The following GRIN3A variants were observed in gnomAD, a reference collection of about 807,000 sequenced individuals.
GRIN3A encodes the protein glutamate ionotropic receptor NMDA type subunit 3A.
Under a neutral mutation model 92.4 loss-of-function variants are expected in GRIN3A, and 47 were observed. The ratio of observed to expected loss-of-function variants is 0.51; its 90% CI spans 0.40 to 0.65. The LOEUF (loss-of-function observed/expected upper bound fraction) is 0.65, where lower values mean the gene tolerates loss of function less well. GRIN3A is among the 30% of genes least tolerant of loss of function. GRIN3A has a pLI of 0.00. For synonymous variants in GRIN3A, 527 were observed against 540.6 expected (o/e 0.97, Z 0.35); for missense variants, 1,324 against 1,393.1 (o/e 0.95, Z 0.79).
intron 3 of GRIN3A, among the ~76,000 whole-genome samples, chr9:101,657,124 C>G (rs1388320142): frequency 6.6e-6 from 1 of 151,860 alleles, no homozygotes; most frequent in African/African-American, 2.4e-5. Context: ...GAAAAAATTT[C>G]TTAATTCCAA....
chr9:101,572,885 A>G lies in GRIN3A; in HGVS notation c.*289T>C, dbSNP rs1016796771. On this transcript the variant is annotated 3_prime_UTR_variant, in exon 9 of 9. Transcript: ENST00000361820. The stretch of plus-strand genomic sequence containing the variant: ...AGAAATATTACTGTGGCACCTGGTG[A>G]AAAGGTTAACGGCAGCTGGGGTTAT... The G allele has an allele frequency of 2.2e-5, 9 of 413,070 alleles. No homozygotes were observed. In the East Asian group the frequency reaches 4.3e-4, roughly 20 times the overall value. The allele number at this position is 413,070 out of a possible 1,614,324, so 25.6% of individuals were successfully genotyped here. A position where few individuals can be genotyped will look rare whatever the true frequency, so the allele number is the denominator to read the frequency against.
At chr9:101,680,548 G>A (rs1246117126) in intron 2 of GRIN3A, among the ~76,000 whole-genome samples, 1 of 152,168 alleles carries the variant, frequency 6.6e-6, no homozygotes, top group African/African-American at 2.4e-5. Context: ...ACTGAGGAGG[G>A]AGGCCTAGAA....
chr9:101,713,260 C>T (rs143338133), intron 1 of GRIN3A, among the ~76,000 whole-genome samples: 1 of 152,288 alleles, frequency 6.6e-6, no homozygotes, highest in East Asian at 1.9e-4. Flanking sequence ...TTAATTCCCA[C>T]AGGAAAAACA....
At chr9:101,576,822 G>A (rs530327594) in intron 8 of GRIN3A, among the ~76,000 whole-genome samples, 1 of 152,248 alleles carries the variant, frequency 6.6e-6, no homozygotes, top group East Asian at 1.9e-4. Context: ...ATTCCAACAA[G>A]CTAGATGGAG....
chr9:101,690,435 A>G (rs902827791), intron 1 of GRIN3A, among the ~76,000 whole-genome samples: 2 of 152,116 alleles, frequency 1.3e-5, no homozygotes, highest in Non-Finnish European at 2.9e-5. Flanking sequence ...GAAATTTCCA[A>G]AAGAATAGGG....
chr9:101,704,162 A>T (rs1050464117), intron 1 of GRIN3A, among the ~76,000 whole-genome samples: 3 of 152,202 alleles, frequency 2.0e-5, no homozygotes, highest in Non-Finnish European at 2.9e-5. Flanking sequence ...TTATTAAAAA[A>T]AAATCATTAT....
At chr9:101,587,233 C>A (rs1359174991) in intron 6 of GRIN3A, among the ~76,000 whole-genome samples, 1 of 151,550 alleles carries the variant, frequency 6.6e-6, no homozygotes, top group Non-Finnish European at 1.5e-5. Flanking sequence ...TTGCTTGAAT[C>A]CGGGAGGCAG....
intron 1 of GRIN3A, among the ~76,000 whole-genome samples, chr9:101,724,830 A>G (rs139607300): frequency 6.6e-6 from 1 of 152,276 alleles, no homozygotes; most frequent in East Asian, 1.9e-4. Context: ...AGTCCAATTA[A>G]ATCTCCTTTT....
chr9:101,575,159 G>C (rs1414227080), intron 8 of GRIN3A, among the ~76,000 whole-genome samples: 1 of 152,158 alleles, frequency 6.6e-6, no homozygotes, highest in African/African-American at 2.4e-5. Flanking sequence ...CCACCCTGTG[G>C]TTCTTTAACA....
rs1175367579 is a variant in GRIN3A at position 101,628,366 on chromosome 9, A to T, written c.2388T>A (p.Thr796=). 1 of 1,613,990 alleles carries T rather than the reference A, an allele frequency of 6.2e-7. No individual in the cohort carries two copies. The highest frequency in any genetic ancestry group is 1.7e-5 in the Admixed American group (1 of 59,964). ...HHPSQGFRFG[T]VRESSAEDYV... ...AATCTTCAGCACTGCTTTCTCGGAC[A>T]GTTCCAAAGCGGAATCCTTGGGAAG... is the stretch of plus-strand genomic sequence containing the variant. The change falls in exon 4 of 9, where the codon ACT becomes ACA. Residue 796 remains threonine (T), a synonymous_variant. Coordinates refer to ENST00000361820, the MANE Select transcript of GRIN3A (RefSeq NM_133445.3).
Position 101,731,481 on chromosome 9 carries a change from A to G in GRIN3A, c.699+5800T>C, listed in dbSNP as rs558817437. On this transcript the variant is annotated intron_variant, in intron 1 of 8. Coordinates refer to ENST00000361820, the MANE Select transcript of GRIN3A (RefSeq NM_133445.3). ...TCCTAAATCTATGCTTCAAATGAAT[A>G]ACGATGAGGTGTAATTCATCCTGAC... Among the ~76,000 whole-genome samples, 6 of 152,356 alleles carry G rather than the reference A, an allele frequency of 3.9e-5. No individual in the cohort carries two copies. The South Asian group carries it at 1.2e-3, about 32-fold the overall frequency.
chr9:101,733,953 C>T (rs767655532), intron 1 of GRIN3A, among the ~76,000 whole-genome samples: 1 of 152,072 alleles, frequency 6.6e-6, no homozygotes, highest in Non-Finnish European at 1.5e-5. Context: ...CCTGCCTCAG[C>T]CTCCCAAGCA....
intron 2 of GRIN3A, among the ~76,000 whole-genome samples, chr9:101,681,636 C>G (rs867095003): frequency 2.6e-5 from 4 of 152,226 alleles, no homozygotes; most frequent in Non-Finnish European, 5.9e-5. Context: ...TTTCCCTCAT[C>G]ACCAAATATC....
intron 1 of GRIN3A, among the ~76,000 whole-genome samples, chr9:101,694,820 T>C (rs1057340769): frequency 2.0e-5 from 3 of 152,072 alleles, no homozygotes; most frequent in Non-Finnish European, 4.4e-5. Flanking sequence ...TGGGGAAGGG[T>C]AATCCAAGAA....
At chr9:101,616,660 G>A (rs1244239224) in intron 5 of GRIN3A, among the ~76,000 whole-genome samples, 1 of 145,338 alleles carries the variant, frequency 6.9e-6, no homozygotes, top group Non-Finnish European at 1.5e-5. Context: ...ATTAAAAAAG[G>A]TATTCTCACT....
intron 6 of GRIN3A, among the ~76,000 whole-genome samples, chr9:101,596,759 A>G: frequency 6.6e-6 from 1 of 152,250 alleles, no homozygotes; most frequent in East Asian, 1.9e-4. Flanking sequence ...GAAGCTTAAC[A>G]TGAAAGATAA....
chr9:101,660,632 A>G (rs1176459115), intron 3 of GRIN3A, among the ~76,000 whole-genome samples: 1 of 151,816 alleles, frequency 6.6e-6, no homozygotes, highest in Admixed American at 6.6e-5. Context: ...TAATCTTCTC[A>G]CATGAGAAGA....
chr9:101,621,518 A>G lies in GRIN3A; in HGVS notation c.2614+1800T>C, dbSNP rs73494606. Reference sequence around the variant, plus strand: ...TCACAATGATAACAATATTCTCTCAATTAAAACCTGCAGTATTTCTACTCT... The same window carrying G: ...TCACAATGATAACAATATTCTCTCAGTTAAAACCTGCAGTATTTCTACTCT... On this transcript the variant is annotated intron_variant, in intron 5 of 8. Coordinates refer to ENST00000361820, the MANE Select transcript of GRIN3A (RefSeq NM_133445.3). Among the ~76,000 whole-genome samples, 1,347 of 152,254 alleles carry G rather than the reference A, an allele frequency of 8.8e-3. 23 individuals are homozygous for G. The highest frequency in any genetic ancestry group is 0.031 in the African/African-American group (1,293 of 41,526).
At chr9:101,666,435 T>A (rs1829237700) in intron 3 of GRIN3A, among the ~76,000 whole-genome samples, 1 of 151,932 alleles carries the variant, frequency 6.6e-6, no homozygotes. Flanking sequence ...AAGTTGGAGC[T>A]AAGTGATGAG....
Sources: gnomAD v4.1 joint callset for allele counts (sites outside exome capture counted in the v4.1 genomes callset) on GRCh38, gnomAD v4.1.1 for gene constraint, MANE v1.5 for transcripts, NCBI Gene and HGNC (gene_info 2026-07-23, HGNC 2026-07-21) for gene names.